The following IGSF11 variants were observed in gnomAD, a reference collection of about 807,000 sequenced individuals.
IGSF11 encodes immunoglobulin superfamily member 11.
Under a neutral mutation model 41.0 loss-of-function variants are expected in IGSF11, and 22 were observed. The ratio of observed to expected loss-of-function variants is 0.54; its 90% CI spans 0.38 to 0.77. IGSF11 has a LOEUF of 0.77. Among genes scored for constraint, IGSF11 ranks in the 30% least tolerant of loss-of-function variants. The pLI is 0.00. For synonymous variants in IGSF11, 219 were observed against 201.3 expected (o/e 1.09, Z -0.74); for missense variants, 444 against 530.8 (o/e 0.84, Z 1.61).
At chr3:119,096,517 T>C (rs1331439303) in intron 1 of IGSF11, among the ~76,000 whole-genome samples, 2 of 152,144 alleles carry the variant, frequency 1.3e-5, no homozygotes, top group Non-Finnish European at 2.9e-5. Context: ...TGAACTACAC[T>C]ACTTCATCCT....
intron 1 of IGSF11, among the ~76,000 whole-genome samples, chr3:119,090,644 C>G (rs2076747826): frequency 6.6e-6 from 1 of 152,170 alleles, no homozygotes. Context: ...AAAGGATACT[C>G]TATTCAATAA....
At chr3:119,140,865 G>A (rs926428573) in intron 1 of IGSF11, among the ~76,000 whole-genome samples, 5 of 131,894 alleles carry the variant, frequency 3.8e-5, no homozygotes, top group Admixed American at 1.4e-4. Flanking sequence ...CTAACATGGC[G>A]AAACCCCATC....
At chr3:118,965,204 C>G (rs907440199) in intron 1 of IGSF11, among the ~76,000 whole-genome samples, 1 of 151,738 alleles carries the variant, frequency 6.6e-6, no homozygotes, top group Non-Finnish European at 1.5e-5. Context: ...TATAAATAAC[C>G]CCCAGATCAG....
In IGSF11 at chr3:119,065,686, G is replaced by A. The variant is rs370235123; in HGVS notation, c.49+39458C>T. Among the ~76,000 whole-genome samples the A allele has an allele frequency of 5.5e-4, 83 of 151,632 alleles. 1 individual carries two copies. Among genetic ancestry groups the A allele is most frequent in the African/African-American group, 1.8e-3 (76 of 41,294 alleles). ...TGTGCAACTGTAATCCCAGCTACTC[G>A]GGAGGCTGAAACAGGAGAATTGCTT... On this transcript the variant is annotated intron_variant, in intron 1 of 6. Coordinates refer to the IGSF11 transcript ENST00000354673.
chr3:119,021,838 A>G (rs544073529), intron 1 of IGSF11, among the ~76,000 whole-genome samples: 53 of 152,236 alleles, frequency 3.5e-4, no homozygotes, highest in African/African-American at 1.3e-3. Context: ...TAAATGAATC[A>G]ATTAAGAACT....
At chr3:118,977,551 C>T (rs113379151) in intron 1 of IGSF11, among the ~76,000 whole-genome samples, 3 of 152,272 alleles carry the variant, frequency 2.0e-5, no homozygotes, top group African/African-American at 7.2e-5. Context: ...AGAGAGAACA[C>T]TGAAATTCAG....
intron 1 of IGSF11, among the ~76,000 whole-genome samples, chr3:119,056,733 G>C (rs1397632795): frequency 6.6e-6 from 1 of 152,126 alleles, no homozygotes; most frequent in Non-Finnish European, 1.5e-5. Flanking sequence ...ATAAAATACT[G>C]GCAAACCGAA....
At chr3:119,030,327 C>T (rs887997434) in intron 1 of IGSF11, among the ~76,000 whole-genome samples, 2 of 152,248 alleles carry the variant, frequency 1.3e-5, no homozygotes, top group East Asian at 3.9e-4. Flanking sequence ...ATGAGTGAGG[C>T]AGACCCATAC....
At chr3:118,946,469 A>T in intron 1 of IGSF11, among the ~76,000 whole-genome samples, 1 of 151,196 alleles carries the variant, frequency 6.6e-6, no homozygotes. Flanking sequence ...GAAGAAGAAG[A>T]GGAGGAAAGA....
chr3:118,995,880 C>T (rs1037315739), intron 1 of IGSF11, among the ~76,000 whole-genome samples: 1 of 152,050 alleles, frequency 6.6e-6, no homozygotes, highest in Non-Finnish European at 1.5e-5. Flanking sequence ...CTCGATCTGA[C>T]CTCGTGATCC....
At chr3:118,964,750 C>T (rs1190489401) in intron 1 of IGSF11, among the ~76,000 whole-genome samples, 2 of 152,178 alleles carry the variant, frequency 1.3e-5, no homozygotes, top group East Asian at 3.9e-4. Flanking sequence ...GTTTGAATTT[C>T]CTATTAGGAA....
intron 1 of IGSF11, among the ~76,000 whole-genome samples, chr3:119,031,708 A>G (rs764715906): frequency 1.4e-4 from 22 of 152,160 alleles, no homozygotes; most frequent in Non-Finnish European, 3.1e-4. Flanking sequence ...TATCTCTGAA[A>G]TTTTCATCCC....
In IGSF11 at chr3:119,070,009, T is replaced by A. The variant is rs571375155; in HGVS notation, c.49+35135A>T. Among the ~76,000 whole-genome samples, 6 of 152,304 alleles carry A rather than the reference T, an allele frequency of 3.9e-5. No homozygotes were observed. The South Asian group carries it at 8.3e-4, about 21-fold the overall frequency. On this transcript the variant is annotated intron_variant, in intron 1 of 6. Transcript: ENST00000354673. The stretch of plus-strand genomic sequence containing the variant: ...ACTAGGTGCTAGGCACTTTGCAGCA[T>A]CTCATTAACATTGGGAAATATATTC...
intron 1 of IGSF11, among the ~76,000 whole-genome samples, chr3:119,021,338 T>C (rs1290729450): frequency 6.6e-6 from 1 of 152,034 alleles, no homozygotes; most frequent in Non-Finnish European, 1.5e-5. Context: ...TAAAAGGATA[T>C]GACAGTGATA....
At chr3:118,911,925 A>T (rs1940368952) in intron 4 of IGSF11, among the ~76,000 whole-genome samples, 1 of 152,146 alleles carries the variant, frequency 6.6e-6, no homozygotes, top group South Asian at 2.1e-4. Flanking sequence ...ATCTCTAAAG[A>T]TCTACACAGA....
intron 1 of IGSF11, among the ~76,000 whole-genome samples, chr3:119,077,711 G>A (rs1203359225): frequency 1.3e-5 from 2 of 152,030 alleles, no homozygotes; most frequent in Non-Finnish European, 2.9e-5. Context: ...ATAAAAGGCA[G>A]CCACATAGAA....
At chr3:119,076,955 A>AAGGCAC (rs2076510134) in intron 1 of IGSF11, among the ~76,000 whole-genome samples, 1 of 152,216 alleles carries the variant, frequency 6.6e-6, no homozygotes, top group Non-Finnish European at 1.5e-5. Context: ...GGCTGCTATA[A>AAGGCAC]AGGCACATGC....
chr3:118,968,172 T>C (rs576291307), intron 1 of IGSF11, among the ~76,000 whole-genome samples: 3 of 152,330 alleles, frequency 2.0e-5, no homozygotes, highest in East Asian at 3.9e-4. Flanking sequence ...AAGAGAGGCA[T>C]ATGGCCTGCT....
At chr3:119,129,850 T>G (rs1576833299) in intron 1 of IGSF11, among the ~76,000 whole-genome samples, 1 of 151,988 alleles carries the variant, frequency 6.6e-6, no homozygotes, top group South Asian at 2.1e-4. Flanking sequence ...CCAGGTGTGG[T>G]GGCAAATGCC....
Sources: gnomAD v4.1 joint callset for allele counts (sites outside exome capture counted in the v4.1 genomes callset) on GRCh38, gnomAD v4.1.1 for gene constraint, MANE v1.5 for transcripts, NCBI Gene and HGNC (gene_info 2026-07-23, HGNC 2026-07-21) for gene names.